Variants in GABRB1 observed in about 807,000 individuals in gnomAD.
GABRB1 encodes the protein gamma-aminobutyric acid receptor subunit beta-1.
GABRB1 carries 17 observed loss-of-function variants against 51.6 expected under a neutral mutation model. The ratio of observed to expected loss-of-function variants is 0.33; its 90% CI spans 0.23 to 0.49. The LOEUF (loss-of-function observed/expected upper bound fraction) is 0.49. GABRB1 is among the 20% of genes least tolerant of loss of function. The pLI is 0.99. For synonymous variants in GABRB1, 247 were observed against 218.9 expected (o/e 1.13, Z -1.14); for missense variants, 410 against 600.6 (o/e 0.68, Z 3.32).
At chr4:47,123,804 TC>T (rs1715965180) in intron 3 of GABRB1, among the ~76,000 whole-genome samples, 1 of 87,738 alleles carries the variant, frequency 1.1e-5, no homozygotes, top group Non-Finnish European at 2.0e-5. Flanking sequence ...ATATTATATA[TC>T]ATATATTATA....
chr4:47,253,560 C>G (rs1180035889), intron 4 of GABRB1, among the ~76,000 whole-genome samples: 2 of 152,152 alleles, frequency 1.3e-5, no homozygotes, highest in Non-Finnish European at 2.9e-5. Context: ...ACAAATTGTT[C>G]CTTTCCAATG....
intron 4 of GABRB1, among the ~76,000 whole-genome samples, chr4:47,305,748 G>A (rs944152146): frequency 4.6e-5 from 7 of 152,216 alleles, no homozygotes; most frequent in African/African-American, 1.7e-4. Context: ...TTATCACCCA[G>A]TATTAAATAC....
intron 3 of GABRB1, among the ~76,000 whole-genome samples, chr4:47,142,653 G>A (rs141106587): frequency 6.6e-6 from 1 of 152,018 alleles, no homozygotes; most frequent in Non-Finnish European, 1.5e-5. Context: ...TCAGAAGAGA[G>A]TACATCGTGG....
At chr4:47,202,213 G>A (rs375520212) in intron 4 of GABRB1, among the ~76,000 whole-genome samples, 56 of 152,240 alleles carry the variant, frequency 3.7e-4, no homozygotes, top group African/African-American at 1.2e-3. Context: ...AGATCTGATG[G>A]TATTATAAGG....
At chr4:47,143,345 C>T (rs955738368) in intron 3 of GABRB1, among the ~76,000 whole-genome samples, 1 of 151,714 alleles carries the variant, frequency 6.6e-6, no homozygotes, top group Non-Finnish European at 1.5e-5. Flanking sequence ...TTAGTGGTGG[C>T]CTTCATTTTT....
intron 4 of GABRB1, among the ~76,000 whole-genome samples, chr4:47,213,629 T>G (rs2109813686): frequency 6.6e-6 from 1 of 151,776 alleles, no homozygotes; most frequent in East Asian, 1.9e-4. Flanking sequence ...AGCTGGGGGG[T>G]TTTCTTTCTT....
At chr4:47,372,725 T>A (rs1021503580) in intron 5 of GABRB1, among the ~76,000 whole-genome samples, 1 of 152,130 alleles carries the variant, frequency 6.6e-6, no homozygotes, top group African/African-American at 2.4e-5. Context: ...CAGATGTCGA[T>A]GCTTCCCCAG....
At chr4:47,271,535 T>C (rs1156514753) in intron 4 of GABRB1, among the ~76,000 whole-genome samples, 1 of 152,198 alleles carries the variant, frequency 6.6e-6, no homozygotes, top group African/African-American at 2.4e-5. Flanking sequence ...GCTTAATCAG[T>C]CCTGGCCCAG....
At chr4:47,324,028 G>A (rs1268373708) in intron 5 of GABRB1, among the ~76,000 whole-genome samples, 1 of 152,052 alleles carries the variant, frequency 6.6e-6, no homozygotes, top group East Asian at 1.9e-4. Context: ...GAAAGAGCTT[G>A]GAGTAATAAT....
chr4:47,415,485 A>T (rs570675351), intron 8 of GABRB1, among the ~76,000 whole-genome samples: 1 of 152,254 alleles, frequency 6.6e-6, no homozygotes, highest in African/African-American at 2.4e-5. Context: ...AAGGCCTAGG[A>T]TTGAGTCTTT....
chr4:47,048,880 A>G (rs1182781602), intron 3 of GABRB1, among the ~76,000 whole-genome samples: 2 of 152,030 alleles, frequency 1.3e-5, no homozygotes, highest in Non-Finnish European at 2.9e-5. Flanking sequence ...TTAAAAACAG[A>G]TCTTTTATTA....
intron 4 of GABRB1, among the ~76,000 whole-genome samples, chr4:47,271,907 T>A (rs1240065897): frequency 6.6e-6 from 1 of 152,182 alleles, no homozygotes; most frequent in Non-Finnish European, 1.5e-5. Context: ...TTTTTGTTGA[T>A]CTAGGTTCTA....
At chr4:47,368,283 G>A (rs1440870039) in intron 5 of GABRB1, among the ~76,000 whole-genome samples, 2 of 152,116 alleles carry the variant, frequency 1.3e-5, no homozygotes, top group East Asian at 1.9e-4. Flanking sequence ...TCCTGGCCAC[G>A]TCCCTAGTTG....
intron 8 of GABRB1, among the ~76,000 whole-genome samples, chr4:47,422,403 C>A (rs897621765): frequency 1.4e-4 from 22 of 152,120 alleles, no homozygotes; most frequent in Non-Finnish European, 2.9e-5. Context: ...ATACAAACTC[C>A]CTTCTCCTCC....
chr4:47,009,957 C>T (rs1445287339), intron 1 of GABRB1, among the ~76,000 whole-genome samples: 1 of 152,186 alleles, frequency 6.6e-6, no homozygotes, highest in Admixed American at 6.5e-5. Flanking sequence ...TTTTTAAAGG[C>T]TCTACTAAAC....
chr4:47,148,443 G>C (rs766648848), intron 3 of GABRB1, among the ~76,000 whole-genome samples: 9 of 152,066 alleles, frequency 5.9e-5, no homozygotes, highest in Non-Finnish European at 7.4e-5. Context: ...TAAATTAAGA[G>C]ACATTTAGCC....
chr4:47,402,475 T>C (rs1004619577), intron 5 of GABRB1, among the ~76,000 whole-genome samples: 5 of 152,254 alleles, frequency 3.3e-5, no homozygotes, highest in African/African-American at 9.6e-5. Context: ...AAATTATTTT[T>C]AGATTTTTAA....
intron 4 of GABRB1, among the ~76,000 whole-genome samples, chr4:47,191,346 T>C (rs977831678): frequency 1.4e-4 from 22 of 152,294 alleles, no homozygotes; most frequent in African/African-American, 5.3e-4. Context: ...TCAGCTCAAA[T>C]ACAATCCCCT....
chr4:47,098,184 A>T (rs976693594), intron 3 of GABRB1, among the ~76,000 whole-genome samples: 3 of 130,040 alleles, frequency 2.3e-5, no homozygotes, highest in Non-Finnish European at 5.2e-5. Flanking sequence ...ACACACACAC[A>T]CACACATGTT....
Sources: allele counts gnomAD v4.1 joint callset (sites outside exome capture counted in the v4.1 genomes callset), GRCh38; gene constraint gnomAD v4.1.1; transcripts MANE v1.5; gene names NCBI Gene and HGNC (gene_info 2026-07-23, HGNC 2026-07-21).